The following COL4A1 variants were observed in gnomAD, a reference collection of about 807,000 sequenced individuals.
COL4A1 encodes the protein collagen alpha-1(IV) chain.
Under a neutral mutation model 216.6 loss-of-function variants are expected in COL4A1, and 40 were observed. The observed-to-expected ratio is 0.18, with a 90% CI of 0.14 to 0.24. The LOEUF (loss-of-function observed/expected upper bound fraction) is 0.24. COL4A1 is among the 10% of genes least tolerant of loss of function. The probability of loss-of-function intolerance (pLI) is 1.00; values close to 1 mark genes in which losing one functional copy is unlikely to be tolerated. For missense variants in COL4A1, 1,628 were observed against 2,196.8 expected (o/e 0.74, Z 5.18); for synonymous variants, 839 against 810.7 (o/e 1.03, Z -0.59).
rs552453147 is a variant in COL4A1, at chr13:110,213,679, T to C, written c.279+103A>G. On this transcript the variant is annotated intron_variant, in intron 4 of 51. Transcript: ENST00000375820. ...GTGCTGTGTGAGCTGGGAGAGGAGA[T>C]GGAGGACGAGGGCAAGGAGAAAGGA... The C allele has an allele frequency of 7.7e-4, 908 of 1,180,962 alleles. 6 individuals carry two copies. In the African/African-American group the frequency reaches 0.012, roughly 16 times the overall value. 73.2% of individuals were successfully genotyped at this position (1,180,962 alleles called of 1,614,324 possible). A position where few individuals can be genotyped will look rare whatever the true frequency, so the allele number is the denominator to read the frequency against.
At chr13:110,289,316 G>C (rs1343452424) in intron 1 of COL4A1, among the ~76,000 whole-genome samples, 1 of 152,130 alleles carries the variant, frequency 6.6e-6, no homozygotes, top group South Asian at 2.1e-4. Flanking sequence ...CCACTGCCGC[G>C]ACCAAGAGGA....
chr13:110,191,859 T>C (rs1313038581), intron 24 of COL4A1, among the ~76,000 whole-genome samples: 1 of 152,232 alleles, frequency 6.6e-6, no homozygotes, highest in Non-Finnish European at 1.5e-5. Flanking sequence ...GGCTCTGCAC[T>C]GTGGCTGTGT....
intron 26 of COL4A1, among the ~76,000 whole-genome samples, chr13:110,184,886 C>G (rs1311954601): frequency 1.3e-5 from 2 of 151,858 alleles, no homozygotes; most frequent in Non-Finnish European, 2.9e-5. Flanking sequence ...GCCAGGCAGG[C>G]CTCGAGCTCC....
chr13:110,186,300 C>T, intron 26 of COL4A1, 85 bp downstream of exon 26: 2 of 1,561,792 alleles, frequency 1.3e-6, no homozygotes, highest in South Asian at 1.1e-5. Context: ...CCTATGCGAA[C>T]CCCAGGCCTC....
intron 2 of COL4A1, among the ~76,000 whole-genome samples, chr13:110,231,313 C>T (rs957892994): frequency 6.6e-6 from 1 of 152,196 alleles, no homozygotes; most frequent in African/African-American, 2.4e-5. Context: ...GGTGAGGAGG[C>T]ACAGTTGTCC....
chr13:110,234,777 T>C (rs1184707207), intron 2 of COL4A1, among the ~76,000 whole-genome samples: 2 of 152,160 alleles, frequency 1.3e-5, no homozygotes, highest in South Asian at 4.1e-4. Flanking sequence ...CCTCTTCCCG[T>C]TTCCATCCCG....
At position 110,234,442 on chromosome 13, in the gene COL4A1, T is replaced by C. The variant is rs1881207563; in HGVS notation, c.144+8233A>G. Among the ~76,000 whole-genome samples, 3 of 151,454 alleles carry C rather than the reference T, an allele frequency of 2.0e-5. No individual in the cohort carries two copies. The South Asian group carries it at 6.3e-4, about 32-fold the overall frequency. On this transcript the variant is annotated intron_variant, in intron 2 of 51. Transcript: ENST00000375820. ...ACTAAAACTACAAAAATTAGCCAGG[T>C]GGGGGGGTACACGCCTATAATCCCA...
intron 20 of COL4A1, among the ~76,000 whole-genome samples, chr13:110,199,181 C>G (rs534664042): frequency 6.6e-6 from 1 of 152,352 alleles, no homozygotes; most frequent in South Asian, 2.1e-4. Context: ...CCTGGGAGAG[C>G]TGAGGCCGGA....
intron 29 of COL4A1, 50 bp from the exon 30 acceptor site, chr13:110,179,471 T>C (rs1190992772): frequency 2.5e-6 from 4 of 1,613,556 alleles, no homozygotes; most frequent in Middle Eastern, 1.6e-4. Flanking sequence ...AAAGTCAGTA[T>C]TTTTATCAAA....
intron 1 of COL4A1, among the ~76,000 whole-genome samples, chr13:110,258,211 C>T (rs925816578): frequency 6.6e-6 from 1 of 152,204 alleles, no homozygotes; most frequent in Non-Finnish European, 1.5e-5. Context: ...GCAGAAGTCA[C>T]GTGGAGCCAA....
At chr13:110,189,100 G>A (rs1594563292) in intron 24 of COL4A1, among the ~76,000 whole-genome samples, 1 of 152,192 alleles carries the variant, frequency 6.6e-6, no homozygotes, top group South Asian at 2.1e-4. Flanking sequence ...TTTCGCTCTT[G>A]TTGCCCAGGC....
chr13:110,261,791 C>T (rs775634816), intron 1 of COL4A1, among the ~76,000 whole-genome samples: 22 of 152,196 alleles, frequency 1.4e-4, no homozygotes, highest in Non-Finnish European at 2.2e-4. Flanking sequence ...GGACACTCTG[C>T]GTCCTCTGCC....
chr13:110,238,048 G>A (rs1011376102), intron 2 of COL4A1, among the ~76,000 whole-genome samples: 13 of 152,220 alleles, frequency 8.5e-5, no homozygotes, highest in Admixed American at 7.9e-4. Context: ...TTCTCTGCTT[G>A]GAAAGCAGTC....
intron 19 of COL4A1, 106 bp downstream of exon 19, chr13:110,201,332 A>AGGAGGG (rs1879209387): frequency 1.8e-6 from 1 of 569,346 alleles, no homozygotes; most frequent in Non-Finnish European, 3.0e-6. Flanking sequence ...AGGAGGAAGG[A>AGGAGGG]GGAGGAGGAA....
chr13:110,187,450 T>A, intron 24 of COL4A1, 121 bp from the exon 25 acceptor site: 1 of 1,101,676 alleles, frequency 9.1e-7, no homozygotes, highest in Non-Finnish European at 1.3e-6. Context: ...CATGCATTCA[T>A]GCCTCATCAT....
At chr13:110,157,643 T>C (rs1349807777) in intron 49 of COL4A1, among the ~76,000 whole-genome samples, 1 of 152,176 alleles carries the variant, frequency 6.6e-6, no homozygotes, top group African/African-American at 2.4e-5. Flanking sequence ...CAGGAAGACA[T>C]AAAAATCTGG....
Position 110,268,537 on chromosome 13 carries a change from A to T in COL4A1, c.85-25803T>A, listed in dbSNP as rs1468497768. Among the ~76,000 whole-genome samples, 1 of 152,234 alleles carries T rather than the reference A, an allele frequency of 6.6e-6. No individual in the cohort carries two copies. Among genetic ancestry groups the T allele is most frequent in the Non-Finnish European group, 1.5e-5 (1 of 68,028 alleles). On this transcript the variant is annotated intron_variant, in intron 1 of 51. Coordinates refer to ENST00000375820, the MANE Select transcript of COL4A1 (RefSeq NM_001845.6). The surrounding 1 kb of genome is among the most constrained non-coding windows in gnomAD (Gnocchi z 4.1). The stretch of plus-strand genomic sequence containing the variant: ...ACTGCTGTGCCAGAAAAACTTGGTC[A>T]TTTGGCTTCTGCAGATGACTTCAGG...
intron 1 of COL4A1, among the ~76,000 whole-genome samples, chr13:110,252,658 T>C (rs1423772158): frequency 4.9e-5 from 7 of 143,472 alleles, no homozygotes; most frequent in Non-Finnish European, 1.1e-4. Context: ...AAAATGTATA[T>C]ATGTATATAT....
intron 1 of COL4A1, among the ~76,000 whole-genome samples, chr13:110,259,069 G>A (rs1213862706): frequency 6.6e-6 from 1 of 152,186 alleles, no homozygotes; most frequent in Non-Finnish European, 1.5e-5. Flanking sequence ...TGAGGCCCTT[G>A]GCTTCCAAAG....
Sources: gnomAD v4.1 joint callset for allele counts (sites outside exome capture counted in the v4.1 genomes callset) on GRCh38, gnomAD v4.1.1 for gene constraint, Gnocchi (gnomAD v3.1) non-coding constraint, MANE v1.5 for transcripts, NCBI Gene and HGNC (gene_info 2026-07-23, HGNC 2026-07-21) for gene names.